PALM: variants seen among roughly 807,000 people sequenced by gnomAD.
PALM encodes the protein paralemmin-1.
Under a neutral mutation model 30.7 loss-of-function variants are expected in PALM, and 18 were observed. The ratio of observed to expected loss-of-function variants is 0.59; its 90% CI spans 0.41 to 0.87. The LOEUF is 0.87. PALM is among the 40% of genes least tolerant of loss of function. The pLI is 0.00. For missense variants in PALM, 529 were observed against 555.4 expected (o/e 0.95, Z 0.48); for synonymous variants, 286 against 242.8 (o/e 1.18, Z -1.66).
chr19:709,109 G>C lies in PALM; in HGVS notation c.-38G>C. 1 of 259,072 alleles carries C rather than the reference G, an allele frequency of 3.9e-6. No homozygotes were observed. The highest frequency in any genetic ancestry group is 6.3e-5 in the East Asian group (1 of 15,908). 16.0% of individuals were successfully genotyped at this position (259,072 alleles called of 1,614,324 possible). ...CCGCGCGCCACCCGCGCCCGCCCCC[G>C]CCCGGCACCGCGGACCCACCCGGAC... On this transcript the variant is annotated 5_prime_UTR_variant, in exon 1 of 9. Coordinates refer to ENST00000338448, the MANE Select transcript of PALM (RefSeq NM_002579.3). The surrounding 1 kb of genome is among the most constrained non-coding windows in gnomAD (Gnocchi z 4.3).
intron 4 of PALM, among the ~76,000 whole-genome samples, chr19:729,496 C>T (rs1254198146): frequency 3.9e-5 from 5 of 127,250 alleles, no homozygotes; most frequent in East Asian, 2.7e-4. Flanking sequence ...GAAGGAGTCT[C>T]GCTCTGTCGC....
chr19:744,324 C>T (rs1005952012), intron 8 of PALM, among the ~76,000 whole-genome samples: 21 of 149,096 alleles, frequency 1.4e-4, no homozygotes, highest in African/African-American at 4.2e-4. Context: ...GGCGTGAACC[C>T]GGGAAGCAGA....
chr19:714,358 CTTTTTTT>C (rs34617281), intron 1 of PALM, among the ~76,000 whole-genome samples: 1 of 104,592 alleles, frequency 9.6e-6, no homozygotes, highest in East Asian at 3.1e-4. Flanking sequence ...TTTTTTCTTT[CTTTTTTT>C]TTTTTTTTTT....
At chr19:716,970 C>T (rs1054468241) in intron 1 of PALM, among the ~76,000 whole-genome samples, 2 of 152,030 alleles carry the variant, frequency 1.3e-5, no homozygotes, top group Middle Eastern at 6.8e-3. Context: ...CTCTCTGTCA[C>T]ATAGGCTGGA....
intron 1 of PALM, among the ~76,000 whole-genome samples, chr19:724,368 C>A (rs182812972): frequency 2.2e-4 from 34 of 152,220 alleles, no homozygotes; most frequent in Middle Eastern, 3.4e-3. Context: ...GTTGCCCAGG[C>A]TGGAGTGCAG....
chr19:719,217 T>G, intron 1 of PALM: 1 of 985,438 alleles, frequency 1.0e-6, no homozygotes, highest in Non-Finnish European at 1.2e-6. Context: ...CCCTCCCGCC[T>G]CGGACAGGGC....
intron 3 of PALM, among the ~76,000 whole-genome samples, chr19:727,303 ACCCTGAC>A (rs2032716523): frequency 7.3e-6 from 1 of 136,642 alleles, no homozygotes; most frequent in Admixed American, 7.4e-5. Context: ...CCTGACCCCG[ACCCTGAC>A]CCTGATCTCA....
intron 1 of PALM, chr19:719,314 C>CG: frequency 1.0e-6 from 1 of 985,422 alleles, no homozygotes; most frequent in Non-Finnish European, 1.2e-6. Flanking sequence ...GAGGCCTCTG[C>CG]GGGGCTCCCG....
chr19:728,276 C>G (rs568758650), intron 4 of PALM, among the ~76,000 whole-genome samples: 3 of 152,100 alleles, frequency 2.0e-5, no homozygotes, highest in Non-Finnish European at 4.4e-5. Context: ...AGGCTGTGCT[C>G]GGGGGCAGCA....
At position 746,135 on chromosome 19, in the gene PALM, G is replaced by A. The variant is rs1406593032; in HGVS notation, c.635-150G>A. ...AACAGGGGGCTTTAATTGTCTGTCA[G>A]TTCTGACGGTGTAATCTAGTTCGTG... On this transcript the variant is annotated intron_variant, in intron 8 of 8. Coordinates refer to ENST00000338448, the MANE Select transcript of PALM (RefSeq NM_002579.3). The surrounding 1 kb of genome is among the most constrained non-coding windows in gnomAD (Gnocchi z 7.1). 3.2e-6 allele frequency: 2 copies of A among 628,018 alleles called. No individual in the cohort carries two copies. The highest frequency in any genetic ancestry group is 5.8e-5 in the Admixed American group (2 of 34,284). 38.9% of individuals were successfully genotyped at this position (628,018 alleles called of 1,614,324 possible). A position where few individuals can be genotyped will look rare whatever the true frequency, so the allele number is the denominator to read the frequency against.
chr19:710,234 G>A (rs1241924091), intron 1 of PALM, among the ~76,000 whole-genome samples: 4 of 152,188 alleles, frequency 2.6e-5, no homozygotes, highest in African/African-American at 9.6e-5. Context: ...CCCGTGACCC[G>A]CCACGCCCGC....
At chr19:728,831 G>T (rs1411886549) in intron 4 of PALM, among the ~76,000 whole-genome samples, 1 of 151,764 alleles carries the variant, frequency 6.6e-6, no homozygotes. Context: ...GTGAAACCCC[G>T]TCTCTACTAA....
rs571507433 is a variant in PALM at position 741,833 on chromosome 19, C to CTTTCTT, written c.634+1360_634+1365dup. Among the ~76,000 whole-genome samples the CTTTCTT allele has an allele frequency of 6.0e-3, 919 of 152,186 alleles. 5 individuals carry two copies. The highest frequency in any genetic ancestry group is 0.014 in the Middle Eastern group (4 of 294). On this transcript the variant is annotated intron_variant, in intron 8 of 8. Coordinates refer to ENST00000338448, the MANE Select transcript of PALM (RefSeq NM_002579.3). ...TCCACACTGAAGCCCCACTCTCTCT[C>CTTTCTT]TTTCTTTTTCTTTTTATTTATTTAC...
At chr19:736,518 G>A (rs1436850730) in intron 7 of PALM, among the ~76,000 whole-genome samples, 2 of 152,202 alleles carry the variant, frequency 1.3e-5, no homozygotes, top group African/African-American at 4.8e-5. Context: ...ACCAAGCCAG[G>A]TCCCCAGCAC....
At chr19:739,711 C>A (rs748461620) in intron 7 of PALM, among the ~76,000 whole-genome samples, 24 of 151,978 alleles carry the variant, frequency 1.6e-4, no homozygotes, top group Non-Finnish European at 2.9e-4. Flanking sequence ...CGCGGTGGCT[C>A]ACGCCTGTAA....
intron 1 of PALM, among the ~76,000 whole-genome samples, chr19:724,170 C>T (rs1163525210): frequency 2.6e-5 from 4 of 151,906 alleles, no homozygotes; most frequent in African/African-American, 7.3e-5. Context: ...CTTTCCTGGG[C>T]GAGTGAGCGT....
At chr19:731,395 C>T (rs1166406701) in intron 5 of PALM, 150 bp downstream of exon 5, 31 of 746,472 alleles carry the variant, frequency 4.2e-5, no homozygotes, top group Non-Finnish European at 6.4e-6. Flanking sequence ...GAGCCACTTC[C>T]CAGCTGTGTG....
chr19:740,304 G>A (rs770778065), intron 7 of PALM, 48 bp from the exon 8 acceptor site: 418 of 1,511,996 alleles, frequency 2.8e-4, no homozygotes, highest in Non-Finnish European at 3.6e-4. Context: ...CGGCGGGGGG[G>A]TGCGGGGGCG....
intron 1 of PALM, among the ~76,000 whole-genome samples, chr19:718,902 C>CAGCGCTCAGGGGAG (rs1190932270): frequency 6.6e-6 from 1 of 151,968 alleles, no homozygotes; most frequent in African/African-American, 2.4e-5. Flanking sequence ...CCGGGGGTGC[C>CAGCGCTCAGGGGAG]AGCGCTCAGG....
Sources: allele counts gnomAD v4.1 joint callset (sites outside exome capture counted in the v4.1 genomes callset), GRCh38; gene constraint gnomAD v4.1.1; non-coding constraint Gnocchi (gnomAD v3.1); transcripts MANE v1.5; gene names NCBI Gene and HGNC (gene_info 2026-07-23, HGNC 2026-07-21).